Variants in CRYBA4 observed in about 807,000 individuals in gnomAD.
CRYBA4 encodes beta-crystallin A4.
In CRYBA4, 30 loss-of-function variants were observed where a neutral mutation model predicts 31.7. The ratio of observed to expected loss-of-function variants is 0.95; its 90% confidence interval spans 0.71 to 1.28. The LOEUF (loss-of-function observed/expected upper bound fraction) is 1.28. Ranked by LOEUF, CRYBA4 falls within the 50% of genes most tolerant of loss-of-function variation. The probability of loss-of-function intolerance (pLI) is 0.00; values close to 1 mark genes in which losing one functional copy is unlikely to be tolerated. For synonymous variants in CRYBA4, 102 were observed against 102.3 expected (o/e 1.00, Z 0.02); for missense variants, 225 against 260.7 (o/e 0.86, Z 0.94).
chr22:26,592,118 C>T, the CRYBA4 span, among the ~76,000 whole-genome samples: 20 of 152,274 alleles, frequency 1.3e-4, no homozygotes, highest in East Asian at 3.5e-3. Context: ...AACAACATTA[C>T]ATAGTGTTTA....
chr22:26,629,066 C>T (rs1268476089), intron 5 of CRYBA4, among the ~76,000 whole-genome samples: 1 of 152,172 alleles, frequency 6.6e-6, no homozygotes, highest in Non-Finnish European at 1.5e-5. Flanking sequence ...ACAGGTGTGG[C>T]TCCAGCAACC....
chr22:26,605,725 G>A, the CRYBA4 span, among the ~76,000 whole-genome samples: 19,769 of 146,352 alleles, frequency 0.14, 1,846 homozygotes, highest in South Asian at 0.29. Context: ...AAAATGTCTG[G>A]GTTCAAGTAG....
the CRYBA4 span, chr22:26,602,076 G>T: frequency 3.8e-4 from 611 of 1,605,074 alleles, 7 homozygotes; most frequent in South Asian, 4.7e-3. Flanking sequence ...ACAAAGAGAA[G>T]AAACTTAGCG....
the CRYBA4 span, among the ~76,000 whole-genome samples, chr22:26,613,182 C>T: frequency 6.6e-6 from 1 of 152,254 alleles, no homozygotes; most frequent in African/African-American, 2.4e-5. Flanking sequence ...CTTCTCTCCT[C>T]ACTAAGCCTC....
At chr22:26,598,814 C>G in the CRYBA4 span, among the ~76,000 whole-genome samples, 1 of 152,118 alleles carries the variant, frequency 6.6e-6, no homozygotes, top group African/African-American at 2.4e-5. Flanking sequence ...CAAAAGTAGA[C>G]CAGGTGGCAT....
chr22:26,597,616 C>T, the CRYBA4 span, among the ~76,000 whole-genome samples: 1 of 152,172 alleles, frequency 6.6e-6, no homozygotes, highest in Non-Finnish European at 1.5e-5. Flanking sequence ...TCCATAGCAA[C>T]CCCGACACCC....
chr22:26,616,375 C>CA, the CRYBA4 span: 1 of 1,428,548 alleles, frequency 7.0e-7, no homozygotes, highest in Non-Finnish European at 9.8e-7. Context: ...ATGACACCCC[C>CA]AAACTGCCTC....
chr22:26,597,880 G>T, the CRYBA4 span, among the ~76,000 whole-genome samples: 1 of 151,618 alleles, frequency 6.6e-6, no homozygotes, highest in Non-Finnish European at 1.5e-5. Flanking sequence ...TGTTTTGTTG[G>T]TTTTTTTTCT....
At chr22:26,630,243 C>A in intron 5 of CRYBA4, 97 bp from the exon 6 acceptor site, 1 of 1,509,680 alleles carries the variant, frequency 6.6e-7, no homozygotes, top group Non-Finnish European at 9.1e-7. Flanking sequence ...GCCAGGATGG[C>A]TGGAATTGTG....
rs1252505738 is a variant in CRYBA4, at chr22:26,628,446, G to T, written c.443+16G>T. 10 of 1,613,150 alleles carry T rather than the reference G, an allele frequency of 6.2e-6. No homozygotes were observed. The highest frequency in any genetic ancestry group is 8.5e-6 in the Non-Finnish European group (10 of 1,179,408). Reference sequence around the variant, plus strand: ...ACTCTGGGGCGTAAGTGTATTCAAGGCTCTACCTGGCAGGGGAGGGGCTAC... The same window carrying T: ...ACTCTGGGGCGTAAGTGTATTCAAGTCTCTACCTGGCAGGGGAGGGGCTAC... On this transcript the variant is annotated intron_variant, in intron 5 of 5. Transcript: ENST00000354760.
intron 5 of CRYBA4, 143 bp downstream of exon 5, chr22:26,628,573 AGG>A: frequency 1.0e-6 from 1 of 998,042 alleles, no homozygotes. Context: ...GGGAGGTATC[AGG>A]CAGAATTTGA....
chr22:26,600,032 C>T, the CRYBA4 span, among the ~76,000 whole-genome samples: 1 of 152,088 alleles, frequency 6.6e-6, no homozygotes, highest in Non-Finnish European at 1.5e-5. Flanking sequence ...GAGAACAAAT[C>T]CAAGGAAGCA....
the CRYBA4 span, among the ~76,000 whole-genome samples, chr22:26,610,956 CAA>C: frequency 6.6e-6 from 1 of 152,146 alleles, no homozygotes; most frequent in Non-Finnish European, 1.5e-5. Flanking sequence ...GTGGGGGAGA[CAA>C]GAGCAAACGA....
the CRYBA4 span, among the ~76,000 whole-genome samples, chr22:26,611,662 G>C: frequency 6.6e-6 from 1 of 151,936 alleles, no homozygotes; most frequent in Non-Finnish European, 1.5e-5. Context: ...TTTTAGTAGA[G>C]ACGGGGTTTC....
In CRYBA4 at chr22:26,630,396, A is replaced by G; in HGVS notation, c.500A>G (p.Asp167Gly). 3 of 1,614,220 alleles carry G rather than the reference A, an allele frequency of 1.9e-6. No individual in the cohort carries two copies. Among genetic ancestry groups the G allele is most frequent in the Non-Finnish European group, 2.5e-6 (3 of 1,180,012 alleles). The change falls in exon 6 of 6, where the codon GAT becomes GGT. Residue 167 changes from aspartate (D) to glycine (G), a missense_variant. Transcript: ENST00000354760. ...YRGFQYVLEC[D>G]HHSGDYKHFR... ...GGATTTCAGTATGTGCTGGAATGCGATCACCATTCCGGTGACTACAAACAT... is the reference window on the plus strand; with the variant it reads ...GGATTTCAGTATGTGCTGGAATGCGGTCACCATTCCGGTGACTACAAACAT...
At chr22:26,604,732 T>G in the CRYBA4 span, among the ~76,000 whole-genome samples, 3 of 152,342 alleles carry the variant, frequency 2.0e-5, no homozygotes, top group African/African-American at 4.8e-5. Context: ...CAGGCAGGGA[T>G]GTAAGCACAG....
chr22:26,604,093 G>GT, the CRYBA4 span, among the ~76,000 whole-genome samples: 6 of 152,192 alleles, frequency 3.9e-5, no homozygotes, highest in Admixed American at 3.9e-4. Context: ...ATCATGCACT[G>GT]TTTTAGGCCC....
chr22:26,607,550 C>T, the CRYBA4 span, among the ~76,000 whole-genome samples: 1 of 127,742 alleles, frequency 7.8e-6, no homozygotes, highest in Non-Finnish European at 1.6e-5. Context: ...CAGCAAAACC[C>T]CATCTTTGGG....
chr22:26,624,397 G>A (rs1234922176), intron 3 of CRYBA4, among the ~76,000 whole-genome samples: 1 of 152,018 alleles, frequency 6.6e-6, no homozygotes, highest in African/African-American at 2.4e-5. Flanking sequence ...TTGGATAGAA[G>A]GTTCTAGAAA....
Sources: allele counts gnomAD v4.1 joint callset (sites outside exome capture counted in the v4.1 genomes callset), GRCh38; gene constraint gnomAD v4.1.1; transcripts MANE v1.5; gene names NCBI Gene and HGNC (gene_info 2026-07-23, HGNC 2026-07-21).